Variants in CC2D2A observed in about 807,000 individuals in gnomAD.
CC2D2A encodes coiled-coil and C2 domain-containing protein 2A.
Under a neutral mutation model 212.9 loss-of-function variants are expected in CC2D2A, and 155 were observed. The observed-to-expected ratio is 0.73, with a 90% CI of 0.64 to 0.83. The LOEUF (loss-of-function observed/expected upper bound fraction) is 0.83. Among genes scored for constraint, CC2D2A ranks in the 40% least tolerant of loss-of-function variants. The pLI is 0.00. For synonymous variants in CC2D2A, 667 were observed against 686.5 expected (o/e 0.97, Z 0.44); for missense variants, 1,856 against 1,956.2 (o/e 0.95, Z 0.97).
At chr4:15,519,858 A>G (rs1717107483) in intron 11 of CC2D2A, 2 of 285,070 alleles carry the variant, frequency 7.0e-6, no homozygotes, top group Non-Finnish European at 1.4e-5. Context: ...TGGGAGTTAC[A>G]ATTCAAGATG....
intron 5 of CC2D2A, 98 bp downstream of exon 5, chr4:15,502,615 TAC>T (rs2108998540): frequency 1.8e-6 from 2 of 1,130,694 alleles, no homozygotes; most frequent in African/African-American, 3.1e-5. Flanking sequence ...TGGATTTGAA[TAC>T]CATTCAATTT....
chr4:15,470,487 A>C (rs905754933), intron 1 of CC2D2A, among the ~76,000 whole-genome samples: 2 of 152,152 alleles, frequency 1.3e-5, no homozygotes, highest in South Asian at 4.1e-4. Context: ...TGTGCTTTCC[A>C]AAGACTTCAA....
chr4:15,484,416 G>A (rs570768216), intron 4 of CC2D2A, among the ~76,000 whole-genome samples: 53 of 152,170 alleles, frequency 3.5e-4, no homozygotes, highest in Non-Finnish European at 5.3e-4. Flanking sequence ...GAGCGTCATT[G>A]GAGGGTTCAA....
Position 15,502,483 on chromosome 4 carries a change from G to A in CC2D2A, c.302G>A (p.Arg101Lys). ...ACAGGCTTTGCAGAATTTTCCATGA[G>A]GGGACGCATGAGGGAGAAATTGCAA... ...SRTGFAEFSMRGRMREKLQAA... is the reference protein window; with the variant it reads ...SRTGFAEFSMKGRMREKLQAA... Residue 101 changes from arginine to lysine, a missense_variant, in exon 5 of 37, where the codon AGG becomes AAG. Coordinates refer to ENST00000424120, the MANE Select transcript of CC2D2A (RefSeq NM_001378615.1). 1.2e-6 allele frequency: 2 copies of A among 1,609,130 alleles called. No individual in the cohort carries two copies. The highest frequency in any genetic ancestry group is 1.7e-6 in the Non-Finnish European group (2 of 1,178,672).
At chr4:15,555,926 G>A (rs1374278238) in intron 20 of CC2D2A, among the ~76,000 whole-genome samples, 2 of 152,178 alleles carry the variant, frequency 1.3e-5, no homozygotes, top group Non-Finnish European at 2.9e-5. Flanking sequence ...CTAATAAGTC[G>A]ATTTGATTTC....
intron 4 of CC2D2A, chr4:15,493,028 T>C: frequency 5.1e-6 from 2 of 393,040 alleles, no homozygotes. Flanking sequence ...CTTACTTCTA[T>C]GACCTAATAT....
At chr4:15,532,177 A>G (rs1717881371) in intron 13 of CC2D2A, among the ~76,000 whole-genome samples, 1 of 152,162 alleles carries the variant, frequency 6.6e-6, no homozygotes, top group South Asian at 2.1e-4. Flanking sequence ...CTCAAAGAGA[A>G]TATTTCTTAT....
chr4:15,503,803 G>A (rs879272528), intron 6 of CC2D2A, among the ~76,000 whole-genome samples: 3 of 152,150 alleles, frequency 2.0e-5, no homozygotes, highest in Non-Finnish European at 4.4e-5. Context: ...CAGAGGAAGG[G>A]CCCAGACCTG....
At chr4:15,479,751 C>A (rs1212862213) in intron 3 of CC2D2A, among the ~76,000 whole-genome samples, 1 of 152,138 alleles carries the variant, frequency 6.6e-6, no homozygotes, top group Non-Finnish European at 1.5e-5. Flanking sequence ...GCCGTGCAGC[C>A]CAAGGCCAGG....
At chr4:15,492,805 T>G in intron 4 of CC2D2A, 2 of 662,300 alleles carry the variant, frequency 3.0e-6, no homozygotes, top group South Asian at 1.4e-5. Flanking sequence ...GGAAATGAGC[T>G]TGATAAAGTG....
In CC2D2A at chr4:15,559,207, A is replaced by C; in HGVS notation, c.2872A>C (p.Lys958Gln). The change falls in exon 22 of 37, where the codon AAG becomes CAG. Residue 958 changes from lysine to glutamine, a missense_variant. Physicochemically the swap from Lys to Gln is moderately conservative, Grantham distance 53. This residue lies in a region of CC2D2A where 1,512 missense variants were observed against 1,579.3 expected (regional missense o/e 0.96). Coordinates refer to ENST00000424120, the MANE Select transcript of CC2D2A (RefSeq NM_001378615.1). ...RLRDRNVIET[K>Q]EHIDTHRAIV... ...ACGAGACAGAAATGTAATAGAAACC[A>C]AGGAACACATAGACACCCATAGGGC... 1 of 1,553,788 alleles carries C rather than the reference A, an allele frequency of 6.4e-7. No homozygotes were observed. The highest frequency in any genetic ancestry group is 8.7e-7 in the Non-Finnish European group (1 of 1,148,528).
Position 15,567,588 on chromosome 4 carries a change from A to T in CC2D2A, c.3289-89A>T, listed in dbSNP as rs1038904969. 6.1e-6 allele frequency: 8 copies of T among 1,321,858 alleles called. No individual in the cohort carries two copies. The African/African-American group carries it at 7.5e-5, about 12-fold the overall frequency. The allele number at this position is 1,321,858 out of a possible 1,614,324, so 81.9% of individuals were successfully genotyped here. Reference sequence around the variant, plus strand: ...TCTCTGCTTCATTTTCTTTGGAAACATACTACTTAGTAAATATACTCTATT... The same window carrying T: ...TCTCTGCTTCATTTTCTTTGGAAACTTACTACTTAGTAAATATACTCTATT... On this transcript the variant is annotated intron_variant, in intron 25 of 36. Transcript: ENST00000424120.
Position 15,596,181 on chromosome 4 carries a change from C to T in CC2D2A, c.4411C>T (p.Pro1471Ser). 1.3e-6 allele frequency: 2 copies of T among 1,547,798 alleles called. No individual in the cohort carries two copies. The highest frequency in any genetic ancestry group is 1.7e-6 in the Non-Finnish European group (2 of 1,145,168). Residue 1471 changes from proline (P) to serine (S), a missense_variant, in exon 34 of 37, where the codon CCA becomes TCA. By Grantham distance (74) the Pro-to-Ser change is moderately conservative. Around this residue, in one of 5 missense-constraint regions of CC2D2A, gnomAD observed 285 missense variants for 278.4 expected, o/e 1.02. Coordinates refer to ENST00000424120, the MANE Select transcript of CC2D2A (RefSeq NM_001378615.1). ...GAAATCTTTCTTTTCAAGAAGCCTT[C>T]CATATCCTGGCCTTTCCAGTGTTCA... ...LWKSFFSRSLPYPGLSSVQPE... is the reference protein window; with the variant it reads ...LWKSFFSRSLSYPGLSSVQPE...
rs868776328 is a variant in CC2D2A, at chr4:15,528,620, C to A, written c.1360C>A (p.Leu454Ile). The change falls in exon 13 of 37, where the codon CTC becomes ATC. Residue 454 changes from leucine (L) to isoleucine (I), a missense_variant and splice_region_variant. Leu to Ile is a conservative substitution (Grantham distance 5, BLOSUM62 2). This residue lies in a region of CC2D2A where 1,512 missense variants were observed against 1,579.3 expected (regional missense o/e 0.96). Transcript: ENST00000424120. ...RNKAKFLTDK[L>I]QALRNAVQTG... Reference sequence around the variant, plus strand: ...AAACTTGTATCCATGTCGTTTTAAGCTCCAAGCTTTAAGAAATGCTGTTCA... The same window carrying A: ...AAACTTGTATCCATGTCGTTTTAAGATCCAAGCTTTAAGAAATGCTGTTCA... The A allele has an allele frequency of 1.2e-6, 2 of 1,613,300 alleles. No individual in the cohort carries two copies. The highest frequency in any genetic ancestry group is 1.7e-6 in the Non-Finnish European group (2 of 1,179,380).
chr4:15,557,557 GCT>G (rs752258441), intron 21 of CC2D2A, 50 bp downstream of exon 21: 4 of 1,277,136 alleles, frequency 3.1e-6, no homozygotes, highest in Non-Finnish European at 4.4e-6. Context: ...TACCTACTGT[GCT>G]GTTAGGTATA....
chr4:15,500,097 GTGTGTGTGTGTATA>G (rs1490120610), intron 4 of CC2D2A, among the ~76,000 whole-genome samples: 7 of 53,024 alleles, frequency 1.3e-4, no homozygotes, highest in African/African-American at 3.3e-4. Context: ...GTGTGTGTGT[GTGTGTGTGTGTATA>G]TATATATATA....
chr4:15,503,504 G>A (rs2108999421), intron 6 of CC2D2A, among the ~76,000 whole-genome samples: 1 of 152,306 alleles, frequency 6.6e-6, no homozygotes, highest in Middle Eastern at 3.4e-3. Flanking sequence ...ATGTGGAAGA[G>A]TTGGGATTTG....
At chr4:15,476,063 G>T in intron 2 of CC2D2A, 92 bp downstream of exon 2, 4 of 1,007,072 alleles carry the variant, frequency 4.0e-6, no homozygotes, top group Non-Finnish European at 6.0e-6. Flanking sequence ...AGGCCAACCA[G>T]CATCTATTGC....
chr4:15,551,095 C>A, intron 18 of CC2D2A, 115 bp downstream of exon 18: 1 of 957,726 alleles, frequency 1.0e-6, no homozygotes, highest in Non-Finnish European at 1.4e-6. Flanking sequence ...ATCAAAAATT[C>A]AAATTCAAAC....
Sources: allele counts gnomAD v4.1 joint callset (sites outside exome capture counted in the v4.1 genomes callset), GRCh38; gene constraint gnomAD v4.1.1; regional missense constraint gnomAD v4.1.1; transcripts MANE v1.5; gene names NCBI Gene and HGNC (gene_info 2026-07-23, HGNC 2026-07-21).